Variants in ABR observed in about 807,000 individuals in gnomAD.
The protein encoded by ABR is ABR activator of RhoGEF and GTPase, also known as active breakpoint cluster region-related protein.
ABR carries 35 observed loss-of-function variants against 107.2 expected under a neutral mutation model. That is an observed-to-expected ratio of 0.33 (90% CI 0.25 to 0.43). The LOEUF is 0.43. Ranked by LOEUF, ABR falls within the 20% of genes least tolerant of loss-of-function variation. The pLI is 1.00. For synonymous variants in ABR, 498 were observed against 462.0 expected (o/e 1.08, Z -1.00); for missense variants, 815 against 1,115.2 (o/e 0.73, Z 3.83).
At chr17:1,098,051 G>T (rs1227359269) in intron 3 of ABR, among the ~76,000 whole-genome samples, 1 of 151,590 alleles carries the variant, frequency 6.6e-6, no homozygotes, top group African/African-American at 2.4e-5. Context: ...TGTAGGGCTT[G>T]CCCAAAGCCA....
intron 1 of ABR, among the ~76,000 whole-genome samples, chr17:1,226,464 A>T (rs1319158540): frequency 6.6e-6 from 1 of 151,450 alleles, no homozygotes; most frequent in East Asian, 1.9e-4. Flanking sequence ...GTGTGCATGC[A>T]TGTATGTGGC....
intron 1 of ABR, among the ~76,000 whole-genome samples, chr17:1,226,527 GAC>G (rs775169237): frequency 2.0e-4 from 31 of 151,548 alleles, no homozygotes; most frequent in Admixed American, 1.1e-3. Context: ...GCATGTATGT[GAC>G]AGTGTGCCAT....
intron 16 of ABR, chr17:1,031,860 C>A: frequency 1.7e-6 from 2 of 1,200,940 alleles, no homozygotes; most frequent in Non-Finnish European, 2.1e-6. Flanking sequence ...CTCCCTCCCT[C>A]CCTCCCTCCC....
intron 1 of ABR, among the ~76,000 whole-genome samples, chr17:1,130,206 T>C (rs953161444): frequency 1.4e-4 from 22 of 152,018 alleles, no homozygotes; most frequent in African/African-American, 4.8e-4. Context: ...CTCTCCCGAA[T>C]TGTGTTCCTG....
chr17:1,091,841 G>A lies in ABR; in HGVS notation c.355C>T (p.Pro119Ser), dbSNP rs780344076. 6.2e-7 allele frequency: 1 copy of A among 1,612,954 alleles called. No individual in the cohort carries two copies. The highest frequency in any genetic ancestry group is 2.2e-5 in the East Asian group (1 of 44,876). The change falls in exon 4 of 23, where the codon CCC (proline) becomes TCC (serine). Residue 119 changes from proline (P) to serine (S), a missense_variant. Physicochemically the swap from Pro to Ser is moderately conservative, Grantham distance 74 (BLOSUM62 -1). Transcript: ENST00000302538. ...QLEALLLPMK[P>S]LKATATTSQP... ...GAGGTGGTGGCGGTGGCCTTCAGGG[G>A]TTTCATGGGCTGGGAGAAACAGAGG...
At chr17:1,176,394 C>T (rs540934123) in intron 1 of ABR, among the ~76,000 whole-genome samples, 16 of 152,364 alleles carry the variant, frequency 1.1e-4, no homozygotes, top group Non-Finnish European at 2.1e-4. Flanking sequence ...CCAGGTGGTA[C>T]TCGGGATCCT....
intron 1 of ABR, among the ~76,000 whole-genome samples, chr17:1,151,974 G>T (rs1350398798): frequency 8.0e-5 from 12 of 149,538 alleles, no homozygotes; most frequent in African/African-American, 3.0e-4. Flanking sequence ...CTAACACGGG[G>T]AAACCCCGCC....
At chr17:1,057,374 C>T (rs866184859) in intron 12 of ABR, among the ~76,000 whole-genome samples, 9 of 117,928 alleles carry the variant, frequency 7.6e-5, no homozygotes, top group Middle Eastern at 8.1e-3. Flanking sequence ...GTGGTGTATG[C>T]GTTTTGTTTT....
At position 1,203,416 on chromosome 17, in the gene ABR, C is replaced by G. The variant is rs1388886798; in HGVS notation, c.838+25377G>C. 5.0e-5 allele frequency among the ~76,000 whole-genome samples: 3 copies of G among 59,928 alleles called. 1 individual carries two copies. Among genetic ancestry groups the G allele is most frequent in the South Asian group, 5.3e-4 (1 of 1,872 alleles). 39.3% of individuals were successfully genotyped at this position (59,928 alleles called of 152,430 possible). A position where few individuals can be genotyped will look rare whatever the true frequency, so the allele number is the denominator to read the frequency against. ...CGGGGCCCGCGGGGGGCGGAGTCTG[C>G]GGGGGCGGGGCCCGCGGGGACGGAG... On this transcript the variant is annotated intron_variant, in intron 1 of 22. Transcript: ENST00000574139.
chr17:1,221,308 C>CAG (rs1178606356), intron 1 of ABR, among the ~76,000 whole-genome samples: 2 of 152,188 alleles, frequency 1.3e-5, no homozygotes, highest in Admixed American at 1.3e-4. Context: ...CCTTAAAAGG[C>CAG]AGACAAACAG....
At chr17:1,224,964 A>G (rs1253200383) in intron 1 of ABR, among the ~76,000 whole-genome samples, 3 of 151,950 alleles carry the variant, frequency 2.0e-5, no homozygotes. Context: ...CCTGGCTAAC[A>G]CGGTGAAACC....
At chr17:1,121,735 A>T (rs899241250) in intron 2 of ABR, among the ~76,000 whole-genome samples, 40 of 146,964 alleles carry the variant, frequency 2.7e-4, no homozygotes, top group Admixed American at 7.4e-4. Flanking sequence ...GTGGGATGGG[A>T]GCTGAGTCCC....
At chr17:1,132,689 T>C (rs1483310731) in intron 1 of ABR, among the ~76,000 whole-genome samples, 1 of 152,076 alleles carries the variant, frequency 6.6e-6, no homozygotes, top group Non-Finnish European at 1.5e-5. Flanking sequence ...TAAAGCACTT[T>C]TACAAGCCAA....
At position 1,010,016 on chromosome 17, in the gene ABR, C is replaced by A. The variant is rs2070397683; in HGVS notation, c.2237-232G>T. 5.1e-6 allele frequency: 3 copies of A among 592,328 alleles called. No homozygotes were observed. Among genetic ancestry groups the A allele is most frequent in the Non-Finnish European group, 9.0e-6 (3 of 332,370 alleles). The allele number at this position is 592,328 out of a possible 1,614,324, so 36.7% of individuals were successfully genotyped here. ...CAGGAGGCCGGCTGGTGGGAGCAGACCCCCTTCCTGCAGCTGACTGCATAG... is the reference window on the plus strand; with the variant it reads ...CAGGAGGCCGGCTGGTGGGAGCAGAACCCCTTCCTGCAGCTGACTGCATAG... On this transcript the variant is annotated intron_variant, in intron 20 of 22. Coordinates refer to ENST00000302538, the MANE Select transcript of ABR (RefSeq NM_021962.5). The surrounding 1 kb of genome is among the most constrained non-coding windows in gnomAD (Gnocchi z 4.1).
intron 16 of ABR, among the ~76,000 whole-genome samples, chr17:1,043,961 G>C (rs2031114802): frequency 6.6e-6 from 1 of 152,252 alleles, no homozygotes; most frequent in African/African-American, 2.4e-5. Flanking sequence ...CTTGGTCTCA[G>C]GCCCTTCTCC....
At position 1,056,116 on chromosome 17, in the gene ABR, G is replaced by C; in HGVS notation, c.1487-7C>G. On this transcript the variant is annotated splice_region_variant and splice_polypyrimidine_tract_variant and intron_variant, in intron 13 of 22. Coordinates refer to ENST00000302538, the MANE Select transcript of ABR (RefSeq NM_021962.5). ...AGTCCTGGAGACTCATCGTCTGCAA[G>C]AGAGAAAAGCCCCCAGGGCAGAGGG... is the stretch of plus-strand genomic sequence containing the variant. 6.2e-7 allele frequency: 1 copy of C among 1,613,818 alleles called. No homozygotes were observed. The highest frequency in any genetic ancestry group is 8.5e-7 in the Non-Finnish European group (1 of 1,179,700).
Position 1,061,821 on chromosome 17 carries a change from A to G in ABR, c.1183-2954T>C, listed in dbSNP as rs1241724169. ...CTCAGCCTCCCAAAGTACTGGGATT[A>G]CCGGTGTAAACCACCATGCTGGGCC... On this transcript the variant is annotated intron_variant, in intron 10 of 22. Transcript: ENST00000302538. 2.0e-5 allele frequency among the ~76,000 whole-genome samples: 3 copies of G among 152,208 alleles called. No individual in the cohort carries two copies. In the East Asian group the frequency reaches 5.8e-4, roughly 29 times the overall value.
chr17:1,033,272 G>A (rs982074844), intron 16 of ABR, among the ~76,000 whole-genome samples: 2 of 152,200 alleles, frequency 1.3e-5, no homozygotes, highest in Non-Finnish European at 2.9e-5. Context: ...GGAATAGGTG[G>A]CTTCCCTGCA....
intron 1 of ABR, among the ~76,000 whole-genome samples, chr17:1,214,824 G>T (rs553837981): frequency 6.6e-6 from 1 of 151,496 alleles, no homozygotes; most frequent in Admixed American, 6.6e-5. Flanking sequence ...ATATATATTT[G>T]ATTGTACATA....
Sources: gnomAD v4.1 joint callset for allele counts (sites outside exome capture counted in the v4.1 genomes callset) on GRCh38, gnomAD v4.1.1 for gene constraint, Gnocchi (gnomAD v3.1) non-coding constraint, MANE v1.5 for transcripts, NCBI Gene and HGNC (gene_info 2026-07-23, HGNC 2026-07-21) for gene names.